GSK3B: variants seen among roughly 807,000 people sequenced by gnomAD.
GSK3B encodes glycogen synthase kinase 3 beta, also known as glycogen synthase kinase-3 beta.
GSK3B carries 15 observed loss-of-function variants against 56.4 expected under a neutral mutation model. The observed-to-expected ratio is 0.27, with a 90% CI of 0.18 to 0.41. The LOEUF (loss-of-function observed/expected upper bound fraction) is 0.41, where lower values mean the gene tolerates loss of function less well. Among genes scored for constraint, GSK3B ranks in the 10% least tolerant of loss-of-function variants. GSK3B has a pLI of 1.00. For synonymous variants in GSK3B, 181 were observed against 188.9 expected, an observed-to-expected ratio of 0.96 and a Z score of 0.34; for missense variants, 300 against 513.4, an observed-to-expected ratio of 0.58 and a Z score of 4.02.
At position 119,826,493 on chromosome 3, in the gene GSK3B, A is replaced by G. The variant is rs966259734; in HGVS notation, c.*295T>C. On this transcript the variant is annotated 3_prime_UTR_variant, in exon 11 of 11. Transcript: ENST00000264235. ...AAGTATACAACAGCAGACTTTTAAT[A>G]AAAAAAGATTGTCGTGGGAGAGAGA... The G allele has an allele frequency of 9.7e-6, 5 of 517,916 alleles. No homozygotes were observed. The highest frequency in any genetic ancestry group is 1.7e-5 in the Non-Finnish European group (5 of 287,120). The allele number at this position is 517,916 out of a possible 1,614,324, so 32.1% of individuals were successfully genotyped here. A position where few individuals can be genotyped will look rare whatever the true frequency, so the allele number is the denominator to read the frequency against.
At chr3:119,839,892 A>G (rs748950200) in intron 10 of GSK3B, among the ~76,000 whole-genome samples, 22 of 152,204 alleles carry the variant, frequency 1.4e-4, no homozygotes, top group Non-Finnish European at 2.4e-4. Flanking sequence ...ATGTGGGGGT[A>G]TATTACTGTG....
intron 10 of GSK3B, among the ~76,000 whole-genome samples, chr3:119,837,943 C>CATAT (rs10574860): frequency 2.5e-3 from 343 of 138,582 alleles, no homozygotes; most frequent in Admixed American, 4.2e-3. Flanking sequence ...TGACCATTCA[C>CATAT]ATATATATAT....
At position 120,093,420 on chromosome 3, in the gene GSK3B, G is replaced by C; in HGVS notation, c.15C>G (p.Pro5=). MSGR[P]RTTSFAESCK... ...AGCTCTCCGCAAAGGAGGTGGTTCT[G>C]GGCCGCCCTGACATGATCACTCTCT... The change falls in exon 1 of 11, where the codon CCC becomes CCG. Residue 5 remains proline, a synonymous_variant. Transcript: ENST00000264235. 1 of 1,612,410 alleles carries C rather than the reference G, an allele frequency of 6.2e-7. No homozygotes were observed. Among genetic ancestry groups the C allele is most frequent in the Non-Finnish European group, 8.5e-7 (1 of 1,178,490 alleles).
rs532936566 is a variant in GSK3B, at chr3:119,825,321, T to C, written c.*1467A>G. The C allele has an allele frequency of 8.7e-6, 2 of 229,774 alleles. No individual in the cohort carries two copies. The highest frequency in any genetic ancestry group is 1.2e-4 in the East Asian group (2 of 16,052). The allele number at this position is 229,774 out of a possible 1,614,324, so 14.2% of individuals were successfully genotyped here. On this transcript the variant is annotated 3_prime_UTR_variant, in exon 11 of 11. Coordinates refer to ENST00000264235, the MANE Select transcript of GSK3B (RefSeq NM_001146156.2). ...GGCAAACATAGTCCTTCAATTCTCC[T>C]TGCTTTCCAAGGAATATTGCTTTTT...
intron 9 of GSK3B, among the ~76,000 whole-genome samples, chr3:119,848,462 C>G (rs2055885750): frequency 6.6e-6 from 1 of 151,806 alleles, no homozygotes; most frequent in African/African-American, 2.4e-5. Context: ...TAACATAAAC[C>G]ATTTAAAAGT....
intron 1 of GSK3B, among the ~76,000 whole-genome samples, chr3:120,068,719 A>AAAT (rs542533714): frequency 3.3e-5 from 5 of 151,550 alleles, no homozygotes; most frequent in Non-Finnish European, 5.9e-5. Context: ...ATAAATAAAT[A>AAAT]AATAATAATA....
chr3:119,971,629 T>TTTTTG (rs1240227918), intron 2 of GSK3B, among the ~76,000 whole-genome samples: 3 of 137,664 alleles, frequency 2.2e-5, no homozygotes, highest in Admixed American at 2.1e-4. Context: ...TTTTTTTTTT[T>TTTTTG]GAGACGGAGT....
chr3:120,072,571 T>C (rs977782267), intron 1 of GSK3B, among the ~76,000 whole-genome samples: 4 of 152,102 alleles, frequency 2.6e-5, no homozygotes, highest in Admixed American at 2.6e-4. Context: ...TGAGCAAGAC[T>C]CAGTCTCAAA....
At chr3:120,076,525 A>T (rs889865366) in intron 1 of GSK3B, among the ~76,000 whole-genome samples, 25 of 152,198 alleles carry the variant, frequency 1.6e-4, no homozygotes, top group Non-Finnish European at 3.2e-4. Flanking sequence ...ACTCTATTTA[A>T]AAATGGGCGG....
rs371125186 is a variant in GSK3B at position 120,088,878 on chromosome 3, T to C, written c.88+4469A>G. On this transcript the variant is annotated intron_variant, in intron 1 of 10. Transcript: ENST00000264235. Reference sequence around the variant, plus strand: ...CTGTCATCTCCAACCCTGTCTCAACTTCATGGGTCTTATTTAAAAGTATGG... The same window carrying C: ...CTGTCATCTCCAACCCTGTCTCAACCTCATGGGTCTTATTTAAAAGTATGG... 4.4e-4 allele frequency among the ~76,000 whole-genome samples: 67 copies of C among 152,312 alleles called. 1 individual carries two copies. The South Asian group carries it at 0.013, about 31-fold the overall frequency.
chr3:120,093,933 G>C lies in GSK3B; in HGVS notation c.-499C>G, dbSNP rs202114779. The C allele has an allele frequency of 9.4e-6, 2 of 213,010 alleles. No individual in the cohort carries two copies. Among genetic ancestry groups the C allele is most frequent in the African/African-American group, 4.6e-5 (2 of 43,912 alleles). The allele number at this position is 213,010 out of a possible 1,614,324, so 13.2% of individuals were successfully genotyped here. On this transcript the variant is annotated 5_prime_UTR_variant, in exon 1 of 11. It adds an upstream start codon to the 5' untranslated region. Coordinates refer to ENST00000264235, the MANE Select transcript of GSK3B (RefSeq NM_001146156.2). Reference sequence around the variant, plus strand: ...AGAGGGAGGGAGGGGGTGGCTCGGAGATGCGACGGGAAACGCTGCAGCTCC... The same window carrying C: ...AGAGGGAGGGAGGGGGTGGCTCGGACATGCGACGGGAAACGCTGCAGCTCC...
intron 1 of GSK3B, among the ~76,000 whole-genome samples, chr3:120,045,505 A>T (rs889294789): frequency 1.3e-5 from 2 of 149,032 alleles, no homozygotes; most frequent in African/African-American, 4.9e-5. Flanking sequence ...TTCCTTATTT[A>T]AAAAAAAAAA....
chr3:119,943,404 A>T (rs2057069099), intron 3 of GSK3B, among the ~76,000 whole-genome samples: 1 of 152,196 alleles, frequency 6.6e-6, no homozygotes, highest in South Asian at 2.1e-4. Context: ...AAATGCCTAT[A>T]CATATTATGA....
rs1416185271 is a variant in GSK3B, at chr3:119,954,286, AT to A, written c.283-6936del. On this transcript the variant is annotated intron_variant, in intron 2 of 10. Transcript: ENST00000264235. ...ATAGAATAGAATAGAATAGAATAGA[AT>A]AGAATAGAATAGAATAGAAAAGAAA... is the stretch of plus-strand genomic sequence containing the variant. 3.5e-3 allele frequency among the ~76,000 whole-genome samples: 504 copies of A among 145,938 alleles called. 5 individuals carry two copies. The highest frequency in any genetic ancestry group is 5.6e-3 in the Non-Finnish European group (374 of 66,858).
At chr3:120,090,378 G>T (rs1331793555) in intron 1 of GSK3B, among the ~76,000 whole-genome samples, 2 of 152,142 alleles carry the variant, frequency 1.3e-5, no homozygotes, top group Non-Finnish European at 2.9e-5. Flanking sequence ...ATCATTGCCA[G>T]TAACTAACTG....
intron 9 of GSK3B, among the ~76,000 whole-genome samples, chr3:119,851,925 C>T (rs1473045154): frequency 1.3e-5 from 2 of 152,184 alleles, no homozygotes; most frequent in East Asian, 3.8e-4. Context: ...ATGTCCCTTG[C>T]TCTCACACAT....
At chr3:119,938,296 T>C (rs945466424) in intron 3 of GSK3B, among the ~76,000 whole-genome samples, 5 of 152,076 alleles carry the variant, frequency 3.3e-5, no homozygotes, top group African/African-American at 9.7e-5. Context: ...CATTACCCTA[T>C]ACCAAAGCCA....
intron 8 of GSK3B, among the ~76,000 whole-genome samples, chr3:119,871,701 G>T (rs1247939477): frequency 1.3e-5 from 2 of 151,968 alleles, no homozygotes; most frequent in Non-Finnish European, 2.9e-5. Flanking sequence ...GAGAGGGAAG[G>T]GAGACACTAG....
chr3:120,076,258 G>A (rs2058366274), intron 1 of GSK3B, among the ~76,000 whole-genome samples: 1 of 152,112 alleles, frequency 6.6e-6, no homozygotes, highest in Non-Finnish European at 1.5e-5. Context: ...AAAATTCCTA[G>A]AAGAAAACAT....
Sources: gnomAD v4.1 joint callset for allele counts (sites outside exome capture counted in the v4.1 genomes callset) on GRCh38, gnomAD v4.1.1 for gene constraint, MANE v1.5 for transcripts, NCBI Gene and HGNC (gene_info 2026-07-23, HGNC 2026-07-21) for gene names.